Variants in ITPK1 observed in about 807,000 individuals in gnomAD.
ITPK1 encodes inositol 1,3,4-trisphosphate 5/6-kinase.
A neutral mutation model predicts 45.3 loss-of-function variants in ITPK1; 21 were observed. The observed-to-expected ratio is 0.46, with a 90% CI of 0.33 to 0.67. ITPK1 has a LOEUF of 0.67. Ranked by LOEUF, ITPK1 falls within the 30% of genes least tolerant of loss-of-function variation. The pLI is 0.02. For synonymous variants in ITPK1, 258 were observed against 253.6 expected, an observed-to-expected ratio of 1.02 and a Z score of -0.16; for missense variants, 474 against 573.5, an observed-to-expected ratio of 0.83 and a Z score of 1.77.
intron 3 of ITPK1, among the ~76,000 whole-genome samples, chr14:93,064,468 C>T (rs1890665388): frequency 6.6e-6 from 1 of 152,016 alleles, no homozygotes; most frequent in South Asian, 2.1e-4. Flanking sequence ...CTAAATGTTC[C>T]CCCAGGACAC....
Position 92,937,908 on chromosome 14 carries a change from G to A in ITPK1, c.*3653C>T, listed in dbSNP as rs116839957. On this transcript the variant is annotated 3_prime_UTR_variant, in exon 11 of 11. Coordinates refer to ENST00000267615, the MANE Select transcript of ITPK1 (RefSeq NM_014216.6). ...TCCAATGGCCCATGAGCCACAGCTC[G>A]GGAAGGAGAAGGAGCTGCCGGGGAT... 1,163 of 155,716 alleles carry A rather than the reference G, an allele frequency of 7.5e-3. 10 individuals carry two copies. The highest frequency in any genetic ancestry group is 0.026 in the African/African-American group (1,083 of 41,606). 9.6% of individuals were successfully genotyped at this position (155,716 alleles called of 1,614,324 possible). A position where few individuals can be genotyped will look rare whatever the true frequency, so the allele number is the denominator to read the frequency against.
chr14:92,993,276 C>G (rs959703246), intron 5 of ITPK1, among the ~76,000 whole-genome samples: 2 of 152,252 alleles, frequency 1.3e-5, no homozygotes, highest in Non-Finnish European at 2.9e-5. Context: ...ACATGAATCT[C>G]TCCACAAAGT....
At chr14:93,028,559 G>A (rs1888864686) in intron 3 of ITPK1, among the ~76,000 whole-genome samples, 1 of 152,242 alleles carries the variant, frequency 6.6e-6, no homozygotes, top group Non-Finnish European at 1.5e-5. Flanking sequence ...ACCCCCTTGA[G>A]ACACTGTTTC....
chr14:92,977,548 G>A (rs998063096), intron 5 of ITPK1, among the ~76,000 whole-genome samples: 21 of 152,194 alleles, frequency 1.4e-4, no homozygotes, highest in Non-Finnish European at 2.6e-4. Context: ...TCCCAGCATC[G>A]GGGGAGGACC....
chr14:92,962,786 C>G lies in ITPK1; in HGVS notation c.428G>C (p.Arg143Pro). 1 of 1,614,044 alleles carries G rather than the reference C, an allele frequency of 6.2e-7. No homozygotes were observed. Residue 143 changes from arginine (R) to proline (P), a missense_variant, in exon 6 of 11, where the codon CGG (arginine) becomes CCG (proline). Physicochemically the swap from Arg to Pro is moderately radical, Grantham distance 103. Coordinates refer to ENST00000267615, the MANE Select transcript of ITPK1 (RefSeq NM_014216.6). ...LTSLCGDDTM[R>P]LLEKNGLTFP... ...AGTCAAGCCGTTCTTCTCCAGCAGC[C>G]GCATGGTGTCATCCCCGCACAGGCT... is the stretch of plus-strand genomic sequence containing the variant.
At chr14:93,026,869 A>G (rs1888760383) in intron 3 of ITPK1, among the ~76,000 whole-genome samples, 1 of 152,062 alleles carries the variant, frequency 6.6e-6, no homozygotes, top group African/African-American at 2.4e-5. Context: ...TGGGGAGGGG[A>G]AAAAAGGGTT....
Position 92,940,710 on chromosome 14 carries a change from T to G in ITPK1, c.*851A>C, listed in dbSNP as rs1438969120. On this transcript the variant is annotated 3_prime_UTR_variant, in exon 11 of 11. Transcript: ENST00000267615. ...GTGCTCTCTGATCTCAAATGTCCAC[T>G]AGAGACAAGGGGGTGGAGGCCCAAA... The G allele has an allele frequency of 7.8e-7, 1 of 1,288,310 alleles. No individual in the cohort carries two copies. The allele number at this position is 1,288,310 out of a possible 1,614,324, so 79.8% of individuals were successfully genotyped here. A position where few individuals can be genotyped will look rare whatever the true frequency, so the allele number is the denominator to read the frequency against.
intron 5 of ITPK1, among the ~76,000 whole-genome samples, chr14:92,967,477 A>G (rs1320775658): frequency 2.0e-5 from 3 of 152,238 alleles, no homozygotes; most frequent in Non-Finnish European, 4.4e-5. Context: ...GAATAGAGAA[A>G]TGGTACAGAA....
chr14:93,018,091 C>T (rs554545295), intron 3 of ITPK1, among the ~76,000 whole-genome samples: 18 of 152,312 alleles, frequency 1.2e-4, no homozygotes, highest in South Asian at 8.3e-4. Context: ...CCTCTCAGGC[C>T]ACAATCACCT....
chr14:92,981,332 C>A (rs1228147047), intron 5 of ITPK1, among the ~76,000 whole-genome samples: 1 of 152,230 alleles, frequency 6.6e-6, no homozygotes, highest in Admixed American at 6.5e-5. Flanking sequence ...CCTGGAGGCC[C>A]TCTGGGCCTC....
intron 3 of ITPK1, among the ~76,000 whole-genome samples, chr14:93,042,356 G>C (rs189814554): frequency 6.6e-6 from 1 of 152,148 alleles, no homozygotes; most frequent in Non-Finnish European, 1.5e-5. Context: ...AAGCAGCTTC[G>C]ACCCTAATCC....
chr14:92,940,681 T>C lies in ITPK1; in HGVS notation c.*880A>G, dbSNP rs1238091262. On this transcript the variant is annotated 3_prime_UTR_variant, in exon 11 of 11. Coordinates refer to ENST00000267615, the MANE Select transcript of ITPK1 (RefSeq NM_014216.6). ...AGGGGTTAGGGCACAAAGCCAGCCC[T>C]GTGGTGCTCTCTGATCTCAAATGTC... 2 of 1,281,502 alleles carry C rather than the reference T, an allele frequency of 1.6e-6. No homozygotes were observed. The highest frequency in any genetic ancestry group is 3.0e-5 in the African/African-American group (2 of 65,608). 79.4% of individuals were successfully genotyped at this position (1,281,502 alleles called of 1,614,324 possible). A position where few individuals can be genotyped will look rare whatever the true frequency, so the allele number is the denominator to read the frequency against.
At chr14:93,041,620 C>T (rs1329279038) in intron 3 of ITPK1, among the ~76,000 whole-genome samples, 3 of 152,236 alleles carry the variant, frequency 2.0e-5, no homozygotes, top group African/African-American at 7.2e-5. Flanking sequence ...GGCAAGGCCC[C>T]TGCCCAGCCC....
rs1290224565 is a variant in ITPK1 at position 93,016,791 on chromosome 14, C to T, written c.131G>A (p.Ser44Asn). 6.2e-7 allele frequency: 1 copy of T among 1,613,898 alleles called. No homozygotes were observed. Among genetic ancestry groups the T allele is most frequent in the Admixed American group, 1.7e-5 (1 of 59,994 alleles). ...RGMEVVQLNL[S>N]RPIEEQGPLD... ...GGGGCCCTGCTCCTCGATCGGCCGG[C>T]TAAGGTTCAGCTGTGAGGCAGGGAA... The change falls in exon 4 of 11, where the codon AGC (serine) becomes AAC (asparagine). Residue 44 changes from serine to asparagine, a missense_variant. Coordinates refer to ENST00000267615, the MANE Select transcript of ITPK1 (RefSeq NM_014216.6). This position sits in a 1 kb window ranked among gnomAD's most constrained non-coding sequence, Gnocchi z 5.0.
chr14:93,104,631 C>G (rs951500389), intron 2 of ITPK1, among the ~76,000 whole-genome samples: 11 of 152,164 alleles, frequency 7.2e-5, no homozygotes, highest in African/African-American at 2.7e-4. Context: ...CTGGCCTCTC[C>G]CTGAGTCTCA....
intron 3 of ITPK1, among the ~76,000 whole-genome samples, chr14:93,050,487 G>A (rs1339178139): frequency 1.3e-5 from 2 of 152,182 alleles, no homozygotes; most frequent in Admixed American, 1.3e-4. Flanking sequence ...TCCAAGGCAA[G>A]AGAGAGGAGC....
At chr14:93,086,648 C>A (rs1891661314) in intron 2 of ITPK1, among the ~76,000 whole-genome samples, 1 of 152,218 alleles carries the variant, frequency 6.6e-6, no homozygotes, top group Non-Finnish European at 1.5e-5. Flanking sequence ...AGCACAAACA[C>A]CTGGGGGACA....
At chr14:92,970,096 C>T (rs1885572515) in intron 5 of ITPK1, among the ~76,000 whole-genome samples, 1 of 152,186 alleles carries the variant, frequency 6.6e-6, no homozygotes, top group Admixed American at 6.5e-5. Context: ...CCTCATCCGA[C>T]CGGTAGCAGC....
rs1243536541 is a variant in ITPK1, at chr14:92,941,840, G to A, written c.966C>T (p.Gly322=). The part of the protein sequence containing the change: ...LLNHIATVLQ[G]QSTAMAATGD... The stretch of plus-strand genomic sequence containing the variant: ...CTGTGGCTGCCATGGCTGTGCTCTG[G>A]CCCTGCAGGACAGTGGCGATGTGGT... The change falls in exon 11 of 11, where the codon GGC becomes GGT. Residue 322 remains glycine, a synonymous_variant. Coordinates refer to ENST00000267615, the MANE Select transcript of ITPK1 (RefSeq NM_014216.6). The A allele has an allele frequency of 1.2e-6, 2 of 1,612,428 alleles. No individual in the cohort carries two copies. The highest frequency in any genetic ancestry group is 1.7e-6 in the Non-Finnish European group (2 of 1,179,876).
Sources: allele counts gnomAD v4.1 joint callset (sites outside exome capture counted in the v4.1 genomes callset), GRCh38; gene constraint gnomAD v4.1.1; non-coding constraint Gnocchi (gnomAD v3.1); transcripts MANE v1.5; gene names NCBI Gene and HGNC (gene_info 2026-07-23, HGNC 2026-07-21).